TRAK1: variants seen among roughly 807,000 people sequenced by gnomAD.
TRAK1 encodes the protein trafficking kinesin-binding protein 1.
In TRAK1, 33 loss-of-function variants were observed where a neutral mutation model predicts 92.1. The observed-to-expected ratio is 0.36, with a 90% CI of 0.27 to 0.48. The LOEUF (loss-of-function observed/expected upper bound fraction) is 0.48. TRAK1 is among the 20% of genes least tolerant of loss of function. The pLI, the probability that TRAK1 is intolerant of heterozygous loss-of-function variation, is 0.99. For missense variants in TRAK1, 1,123 were observed against 1,257.9 expected, an observed-to-expected ratio of 0.89 and a Z score of 1.62; for synonymous variants, 521 against 517.3, an observed-to-expected ratio of 1.01 and a Z score of -0.10.
At chr3:42,126,921 C>T (rs1156445773) in intron 2 of TRAK1, among the ~76,000 whole-genome samples, 1 of 152,126 alleles carries the variant, frequency 6.6e-6, no homozygotes, top group Non-Finnish European at 1.5e-5. Flanking sequence ...TTTGTGAATA[C>T]TGCAGATAAT....
intron 2 of TRAK1, 95 bp from the exon 3 acceptor site, chr3:42,176,719 T>G (rs1703266903): frequency 9.1e-7 from 1 of 1,096,152 alleles, no homozygotes. Flanking sequence ...GTGTCTAATG[T>G]GCAGGCACAA....
intron 2 of TRAK1, chr3:42,149,398 G>C (rs1699697972): frequency 6.8e-7 from 1 of 1,461,206 alleles, no homozygotes; most frequent in Non-Finnish European, 9.0e-7. Context: ...CTGTCGTTAA[G>C]AATGTACAGC....
chr3:42,103,001 A>C (rs766054916), intron 1 of TRAK1, among the ~76,000 whole-genome samples: 14 of 152,094 alleles, frequency 9.2e-5, no homozygotes, highest in Admixed American at 7.2e-4. Flanking sequence ...CATCCATATA[A>C]AGTGTATAAT....
Position 42,223,872 on chromosome 3 carries a change from A to G in TRAK1, c.*135A>G. The G allele has an allele frequency of 9.5e-7, 1 of 1,048,136 alleles. No individual in the cohort carries two copies. The highest frequency in any genetic ancestry group is 1.4e-6 in the Non-Finnish European group (1 of 723,168). 64.9% of individuals were successfully genotyped at this position (1,048,136 alleles called of 1,614,324 possible). On this transcript the variant is annotated 3_prime_UTR_variant, in exon 16 of 16. Transcript: ENST00000327628. This position sits in a 1 kb window ranked among gnomAD's most constrained non-coding sequence, Gnocchi z 6.1. ...CACCCCCTCCTAAGCTAGACAAATC[A>G]ACCTCGTGCCTAATGGAGGAAGTGT...
At chr3:42,019,825 A>G (rs1020769397) in intron 1 of TRAK1, among the ~76,000 whole-genome samples, 1 of 152,216 alleles carries the variant, frequency 6.6e-6, no homozygotes. Flanking sequence ...CTTCAGCTGT[A>G]TTATTGAGTC....
Position 42,224,349 on chromosome 3 carries a change from T to A in TRAK1, c.*612T>A, listed in dbSNP as rs892465052. 3.2e-5 allele frequency: 9 copies of A among 278,816 alleles called. No homozygotes were observed. The highest frequency in any genetic ancestry group is 2.1e-4 in the African/African-American group (9 of 42,806). The allele number at this position is 278,816 out of a possible 1,614,324, so 17.3% of individuals were successfully genotyped here. On this transcript the variant is annotated 3_prime_UTR_variant, in exon 16 of 16. Coordinates refer to ENST00000327628, the MANE Select transcript of TRAK1 (RefSeq NM_001042646.3). ...GTCGTTTCTTTTTTGAGGTGTGACC[T>A]TTTGTTTTCATGCCTTCCCCTTGAA... is the stretch of plus-strand genomic sequence containing the variant.
intron 2 of TRAK1, among the ~76,000 whole-genome samples, chr3:42,133,916 G>A (rs1285520438): frequency 2.4e-4 from 36 of 152,126 alleles, no homozygotes; most frequent in Admixed American, 2.4e-3. Flanking sequence ...TTATAGCAAT[G>A]TAAATGGACT....
chr3:42,215,002 C>T (rs887342738), intron 14 of TRAK1, among the ~76,000 whole-genome samples: 22 of 152,206 alleles, frequency 1.4e-4, no homozygotes, highest in African/African-American at 5.1e-4. Flanking sequence ...TTCCCCGACT[C>T]CTCACCTCCA....
intron 1 of TRAK1, among the ~76,000 whole-genome samples, chr3:42,121,181 C>G (rs879776982): frequency 6.6e-6 from 1 of 152,064 alleles, no homozygotes; most frequent in Admixed American, 6.5e-5. Context: ...AGGCAAATCT[C>G]TGTGTGCCAC....
At chr3:42,049,551 C>G (rs1702900222) in intron 1 of TRAK1, among the ~76,000 whole-genome samples, 1 of 151,872 alleles carries the variant, frequency 6.6e-6, no homozygotes. Context: ...TGTATCATTT[C>G]TTTGATAATT....
intron 14 of TRAK1, among the ~76,000 whole-genome samples, chr3:42,215,971 G>A (rs1285714837): frequency 6.6e-6 from 1 of 152,218 alleles, no homozygotes; most frequent in Non-Finnish European, 1.5e-5. Flanking sequence ...CCTTTAGAGA[G>A]AAGAAAGCTT....
intron 1 of TRAK1, among the ~76,000 whole-genome samples, chr3:42,015,164 T>C (rs536654709): frequency 2.6e-5 from 4 of 152,256 alleles, no homozygotes; most frequent in African/African-American, 9.6e-5. Flanking sequence ...CCTTCCCCTC[T>C]GTCTCTCGGT....
At chr3:42,112,448 A>G (rs1407437128) in intron 1 of TRAK1, among the ~76,000 whole-genome samples, 1 of 149,696 alleles carries the variant, frequency 6.7e-6, no homozygotes, top group African/African-American at 2.5e-5. Flanking sequence ...GGAAACAATT[A>G]AAAAGGTCAG....
At chr3:42,147,814 A>G (rs1699501601) in intron 2 of TRAK1, among the ~76,000 whole-genome samples, 1 of 152,204 alleles carries the variant, frequency 6.6e-6, no homozygotes, top group Non-Finnish European at 1.5e-5. Context: ...ACATGAGGAG[A>G]GGGTACCCCA....
At chr3:42,173,169 G>A (rs1179208600) in intron 2 of TRAK1, among the ~76,000 whole-genome samples, 8 of 152,198 alleles carry the variant, frequency 5.3e-5, no homozygotes, top group South Asian at 4.2e-4. Context: ...AAAAATTATC[G>A]TAGAGGTTTA....
chr3:42,032,660 G>A (rs755316507), intron 1 of TRAK1, among the ~76,000 whole-genome samples: 3 of 152,136 alleles, frequency 2.0e-5, no homozygotes, highest in Non-Finnish European at 4.4e-5. Context: ...TTTCCTCAGG[G>A]TTTCTTTTTG....
upstream of TRAK1, among the ~76,000 whole-genome samples, chr3:42,084,030 A>G (rs531092821): frequency 9.9e-4 from 150 of 152,054 alleles, 1 homozygote; most frequent in African/African-American, 3.6e-3. Flanking sequence ...TATATCCAAG[A>G]GTTTATTATT....
chr3:42,209,454 A>G (rs1161660441), intron 13 of TRAK1, among the ~76,000 whole-genome samples: 1 of 152,096 alleles, frequency 6.6e-6, no homozygotes, highest in African/African-American at 2.4e-5. Flanking sequence ...GGTTGACATC[A>G]GTTGATTAAA....
intron 1 of TRAK1, among the ~76,000 whole-genome samples, chr3:42,119,091 C>T (rs1372628520): frequency 6.6e-6 from 1 of 152,140 alleles, no homozygotes; most frequent in African/African-American, 2.4e-5. Flanking sequence ...TGTTGCCTGG[C>T]AAAGTAGTAA....
Sources: allele counts gnomAD v4.1 joint callset (sites outside exome capture counted in the v4.1 genomes callset), GRCh38; gene constraint gnomAD v4.1.1; non-coding constraint Gnocchi (gnomAD v3.1); transcripts MANE v1.5; gene names NCBI Gene and HGNC (gene_info 2026-07-23, HGNC 2026-07-21).